NDRG1: variants seen among roughly 807,000 people sequenced by gnomAD.
The protein encoded by NDRG1 is protein NDRG1.
NDRG1 carries 32 observed loss-of-function variants against 56.9 expected under a neutral mutation model. The observed-to-expected ratio is 0.56, with a 90% CI of 0.42 to 0.76. The LOEUF (loss-of-function observed/expected upper bound fraction) is 0.76, where lower values mean the gene tolerates loss of function less well. Ranked by LOEUF, NDRG1 falls within the 30% of genes least tolerant of loss-of-function variation. The pLI, the probability that NDRG1 is intolerant of heterozygous loss-of-function variation, is 0.00. For missense variants in NDRG1, 507 were observed against 545.7 expected (o/e 0.93, Z 0.71); for synonymous variants, 211 against 204.1 (o/e 1.03, Z -0.29).
At chr8:133,249,350 C>A in intron 10 of NDRG1, 1 of 162,896 alleles carries the variant, frequency 6.1e-6, no homozygotes, top group Non-Finnish European at 1.4e-5. Flanking sequence ...TCTTGCAGCT[C>A]CCAACATGAG....
chr8:133,294,113 G>A (rs1858594994), intron 1 of NDRG1, among the ~76,000 whole-genome samples: 1 of 152,190 alleles, frequency 6.6e-6, no homozygotes, highest in African/African-American at 2.4e-5. Flanking sequence ...AAAGCAAACT[G>A]AGGCATGGAG....
At chr8:133,261,989 C>T (rs1478193289) in intron 5 of NDRG1, 58 bp downstream of exon 5, 1 of 1,534,914 alleles carries the variant, frequency 6.5e-7, no homozygotes, top group Non-Finnish European at 8.8e-7. Context: ...AGCACCTGAA[C>T]CCCTCCCCGA....
chr8:133,288,884 C>T (rs1384875747), intron 1 of NDRG1, among the ~76,000 whole-genome samples: 2 of 152,144 alleles, frequency 1.3e-5, no homozygotes, highest in Non-Finnish European at 2.9e-5. Flanking sequence ...AACAGGGCTC[C>T]AGGTCACAGC....
rs2272646 is a variant in NDRG1 at position 133,241,808 on chromosome 8, A to G, written c.943+215T>C. The G allele has an allele frequency of 0.86, 531,771 of 621,520 alleles. 228,442 individuals carry two copies. Among genetic ancestry groups the G allele is most frequent in the Middle Eastern group, 0.92 (3,512 of 3,822 alleles). The allele number at this position is 621,520 out of a possible 1,614,324, so 38.5% of individuals were successfully genotyped here. On this transcript the variant is annotated intron_variant, in intron 15 of 15. Transcript: ENST00000323851. ...AAATCCCTGGTGTGAAACAACTTCTATTCAACAAAGGAGGAAAAATGAGCC... is the reference window on the plus strand; with the variant it reads ...AAATCCCTGGTGTGAAACAACTTCTGTTCAACAAAGGAGGAAAAATGAGCC...
chr8:133,290,891 G>A (rs535418625), intron 1 of NDRG1, among the ~76,000 whole-genome samples: 7 of 152,294 alleles, frequency 4.6e-5, no homozygotes, highest in African/African-American at 9.6e-5. Flanking sequence ...AGGTTGCCCC[G>A]GGAGAGGCTG....
At chr8:133,258,504 G>T in intron 6 of NDRG1, 78 bp from the exon 7 acceptor site, 1 of 1,424,422 alleles carries the variant, frequency 7.0e-7, no homozygotes, top group Non-Finnish European at 9.7e-7. Flanking sequence ...AGAACTTCCT[G>T]AGGGTGACCG....
intron 3 of NDRG1, among the ~76,000 whole-genome samples, chr8:133,269,484 G>T (rs2130758544): frequency 6.6e-6 from 1 of 152,330 alleles, no homozygotes; most frequent in South Asian, 2.1e-4. Context: ...CCCCATGCCT[G>T]CTTTGAGTTT....
chr8:133,267,225 T>C (rs1402001761), intron 3 of NDRG1, among the ~76,000 whole-genome samples: 1 of 152,138 alleles, frequency 6.6e-6, no homozygotes, highest in African/African-American at 2.4e-5. Flanking sequence ...CTTTCTCAAT[T>C]GCCACTTCAC....
intron 3 of NDRG1, among the ~76,000 whole-genome samples, chr8:133,274,982 C>T (rs1220631171): frequency 6.6e-6 from 1 of 152,222 alleles, no homozygotes; most frequent in Non-Finnish European, 1.5e-5. Context: ...CAGACAGGTG[C>T]TGTCCTGTCG....
At chr8:133,254,447 G>GC in intron 9 of NDRG1, 92 bp downstream of exon 9, 1 of 1,376,378 alleles carries the variant, frequency 7.3e-7, no homozygotes, top group East Asian at 2.3e-5. Context: ...ATTGTGTCTT[G>GC]TTCTCTCCAC....
chr8:133,285,061 A>G (rs141940935), intron 1 of NDRG1, among the ~76,000 whole-genome samples: 100 of 152,312 alleles, frequency 6.6e-4, no homozygotes, highest in African/African-American at 2.4e-3. Flanking sequence ...AACACAGGGC[A>G]GGTGCAGAAG....
rs543694369 is a variant in NDRG1, at chr8:133,258,262, G to T, written c.450+104C>A. ...ACACACACAACTGTGGAGAATACGG[G>T]TCATTTCTTTTTCCCTTTTGGGTTT... On this transcript the variant is annotated intron_variant, in intron 7 of 15. Transcript: ENST00000323851. The T allele has an allele frequency of 2.1e-4, 242 of 1,155,400 alleles. 1 individual carries two copies. In the African/African-American group the frequency reaches 3.4e-3, roughly 16 times the overall value. The allele number at this position is 1,155,400 out of a possible 1,614,324, so 71.6% of individuals were successfully genotyped here.
intron 1 of NDRG1, among the ~76,000 whole-genome samples, chr8:133,295,580 C>G (rs573624373): frequency 4.6e-5 from 7 of 152,332 alleles, no homozygotes; most frequent in Admixed American, 6.5e-5. Flanking sequence ...GGGTTTGCCC[C>G]CTCTGTACCT....
chr8:133,249,413 G>C (rs1855885786), intron 10 of NDRG1: 1 of 159,940 alleles, frequency 6.3e-6, no homozygotes, highest in South Asian at 1.7e-4. Flanking sequence ...TCCAAATCAT[G>C]CTCTGCCACT....
intron 2 of NDRG1, among the ~76,000 whole-genome samples, chr8:133,282,476 G>A (rs766392328): frequency 1.1e-4 from 16 of 152,210 alleles, no homozygotes; most frequent in Non-Finnish European, 2.1e-4. Context: ...AGTGAATAAA[G>A]CAAAGTGTGG....
intron 1 of NDRG1, among the ~76,000 whole-genome samples, chr8:133,292,049 C>T (rs922817450): frequency 6.6e-6 from 1 of 152,004 alleles, no homozygotes; most frequent in African/African-American, 2.4e-5. Flanking sequence ...TTTGGCAGCA[C>T]GAGTAATTTG....
At chr8:133,268,254 T>C (rs1226134272) in intron 3 of NDRG1, among the ~76,000 whole-genome samples, 1 of 152,110 alleles carries the variant, frequency 6.6e-6, no homozygotes, top group Non-Finnish European at 1.5e-5. Context: ...CATCGATCCA[T>C]GTTGGGATCT....
intron 9 of NDRG1, among the ~76,000 whole-genome samples, chr8:133,251,634 T>G (rs1856053338): frequency 6.6e-6 from 1 of 152,060 alleles, no homozygotes. Flanking sequence ...GATTACACAC[T>G]CAGGACAGGG....
intron 5 of NDRG1, among the ~76,000 whole-genome samples, chr8:133,260,702 ACG>A (rs1856618335): frequency 6.6e-6 from 1 of 152,190 alleles, no homozygotes; most frequent in South Asian, 2.1e-4. Flanking sequence ...CTGGCCCCAT[ACG>A]GTTGGCTGTC....
Sources: gnomAD v4.1 joint callset for allele counts (sites outside exome capture counted in the v4.1 genomes callset) on GRCh38, gnomAD v4.1.1 for gene constraint, MANE v1.5 for transcripts, NCBI Gene and HGNC (gene_info 2026-07-23, HGNC 2026-07-21) for gene names.